The following CUX2 variants were observed in gnomAD, a reference collection of about 807,000 sequenced individuals.
The protein encoded by CUX2 is homeobox protein cut-like 2.
Under a neutral mutation model 144.8 loss-of-function variants are expected in CUX2, and 40 were observed. The ratio of observed to expected loss-of-function variants is 0.28; its 90% CI spans 0.21 to 0.36. CUX2 has a LOEUF of 0.36. Among genes scored for constraint, CUX2 ranks in the 10% least tolerant of loss-of-function variants. CUX2 has a pLI of 1.00. For missense variants in CUX2, 1,615 were observed against 1,994.0 expected (o/e 0.81, Z 3.62); for synonymous variants, 827 against 875.6 (o/e 0.94, Z 0.98).
At chr12:111,253,890 G>T (rs1335388828) in intron 3 of CUX2, among the ~76,000 whole-genome samples, 11 of 144,296 alleles carry the variant, frequency 7.6e-5, no homozygotes, top group African/African-American at 2.6e-4. Flanking sequence ...TGCCATTTTT[G>T]TTTTGTTTTG....
chr12:111,295,263 G>A lies in CUX2; in HGVS notation c.561-70G>A. ...GGGCAAGGGGTAGGAAGCAAGATGG[G>A]GCTCGACTCGGGGGCCCCAGGCAAG... On this transcript the variant is annotated intron_variant, in intron 6 of 21. Coordinates refer to ENST00000261726, the MANE Select transcript of CUX2 (RefSeq NM_015267.4). This position sits in a 1 kb window ranked among gnomAD's most constrained non-coding sequence, Gnocchi z 5.0. 6.9e-7 allele frequency: 1 copy of A among 1,441,822 alleles called. No homozygotes were observed. The allele number at this position is 1,441,822 out of a possible 1,614,324, so 89.3% of individuals were successfully genotyped here.
chr12:111,072,242 A>C (rs1296544155), intron 1 of CUX2, among the ~76,000 whole-genome samples: 2 of 152,250 alleles, frequency 1.3e-5, no homozygotes, highest in East Asian at 3.8e-4. Context: ...CTTCCTATCC[A>C]TGAACATGGA....
intron 1 of CUX2, among the ~76,000 whole-genome samples, chr12:111,145,028 C>G (rs1876576556): frequency 1.3e-5 from 2 of 152,204 alleles, no homozygotes; most frequent in Admixed American, 6.5e-5. Flanking sequence ...CATCTTCTTT[C>G]ATCTCACCTC....
chr12:111,134,697 A>G (rs938718992), intron 1 of CUX2, among the ~76,000 whole-genome samples: 1 of 151,182 alleles, frequency 6.6e-6, no homozygotes, highest in African/African-American at 2.4e-5. Context: ...GAGCAATGTA[A>G]GCTGATATAG....
At chr12:111,177,039 A>G (rs964349955) in intron 1 of CUX2, among the ~76,000 whole-genome samples, 2 of 152,176 alleles carry the variant, frequency 1.3e-5, no homozygotes, top group Non-Finnish European at 2.9e-5. Flanking sequence ...AGACATAGCC[A>G]AATGTCCCCC....
At chr12:111,266,473 CAAA>C (rs57419229) in intron 4 of CUX2, among the ~76,000 whole-genome samples, 5 of 93,360 alleles carry the variant, frequency 5.4e-5, no homozygotes, top group Admixed American at 1.2e-4. Context: ...CCTGTCTCAA[CAAA>C]AAAAAAAAAA....
intron 1 of CUX2, among the ~76,000 whole-genome samples, chr12:111,119,845 G>T (rs1048193472): frequency 3.9e-5 from 6 of 152,184 alleles, no homozygotes; most frequent in Non-Finnish European, 7.3e-5. Flanking sequence ...ATCACCTGAG[G>T]TCAGGAGTTC....
intron 4 of CUX2, among the ~76,000 whole-genome samples, chr12:111,275,707 G>A (rs1259291896): frequency 6.6e-6 from 1 of 152,130 alleles, no homozygotes; most frequent in Non-Finnish European, 1.5e-5. Flanking sequence ...AGACAGCCTG[G>A]GTGTACCCGG....
chr12:111,320,099 T>A lies in CUX2; in HGVS notation c.2090T>A (p.Leu697Gln). 1 of 1,558,584 alleles carries A rather than the reference T, an allele frequency of 6.4e-7. No homozygotes were observed. Among genetic ancestry groups the A allele is most frequent in the Non-Finnish European group, 8.7e-7 (1 of 1,155,492 alleles). ...TCGGAGGACGCCATCAAGAGCATCC[T>A]GGAGCAGGCACGCCGTGAGATGCAG... ...STSEDAIKSI[L>Q]EQARREMQAQ... The change falls in exon 17 of 22, where the codon CTG (leucine) becomes CAG (glutamine). Residue 697 changes from leucine (L) to glutamine (Q), a missense_variant. By Grantham distance (113) the Leu-to-Gln change is moderately radical. This residue lies in a region of CUX2 where 390 missense variants were observed against 387.1 expected (regional missense o/e 1.01). Coordinates refer to ENST00000261726, the MANE Select transcript of CUX2 (RefSeq NM_015267.4). This position sits in a 1 kb window ranked among gnomAD's most constrained non-coding sequence, Gnocchi z 8.1.
chr12:111,058,381 C>T (rs1019006422), intron 1 of CUX2, among the ~76,000 whole-genome samples: 4 of 152,174 alleles, frequency 2.6e-5, no homozygotes, highest in South Asian at 2.1e-4. Flanking sequence ...CCTCTCTCTT[C>T]GTTATGTAGA....
chr12:111,140,359 A>G (rs1214111933), intron 1 of CUX2, among the ~76,000 whole-genome samples: 2 of 152,192 alleles, frequency 1.3e-5, no homozygotes, highest in African/African-American at 2.4e-5. Flanking sequence ...CATCAATACC[A>G]TAGATTGAGC....
chr12:111,293,406 C>G lies in CUX2; in HGVS notation c.437-40C>G. Reference sequence around the variant, plus strand: ...AAGCGGCTCTGGCTGCCACGTTGCTCTCTTGGCAATGGGGGTTTTCCCTCT... The same window carrying G: ...AAGCGGCTCTGGCTGCCACGTTGCTGTCTTGGCAATGGGGGTTTTCCCTCT... On this transcript the variant is annotated intron_variant, in intron 5 of 21. Coordinates refer to ENST00000261726, the MANE Select transcript of CUX2 (RefSeq NM_015267.4). This position sits in a 1 kb window ranked among gnomAD's most constrained non-coding sequence, Gnocchi z 4.5. 1.3e-6 allele frequency: 2 copies of G among 1,579,592 alleles called. No homozygotes were observed. The highest frequency in any genetic ancestry group is 1.2e-5 in the South Asian group (1 of 86,004).
chr12:111,178,079 T>A lies in CUX2; in HGVS notation c.64-36121T>A, dbSNP rs962496061. The stretch of plus-strand genomic sequence containing the variant: ...ACTCAGTGGTTCTGTGTAAAAACAC[T>A]GGGTCGAGCATCTTTTTTCCAGAAA... On this transcript the variant is annotated intron_variant, in intron 1 of 21. Transcript: ENST00000261726. The surrounding 1 kb of genome is among the most constrained non-coding windows in gnomAD (Gnocchi z 5.7). 1.3e-5 allele frequency among the ~76,000 whole-genome samples: 2 copies of A among 152,232 alleles called. No individual in the cohort carries two copies. The highest frequency in any genetic ancestry group is 2.9e-5 in the Non-Finnish European group (2 of 68,040).
At chr12:111,212,577 C>T (rs2136222946) in intron 1 of CUX2, among the ~76,000 whole-genome samples, 1 of 152,296 alleles carries the variant, frequency 6.6e-6, no homozygotes, top group Admixed American at 6.5e-5. Context: ...CTATGTTGCC[C>T]AGGCTGGTCT....
At chr12:111,119,078 T>C (rs1276667559) in intron 1 of CUX2, among the ~76,000 whole-genome samples, 4 of 152,198 alleles carry the variant, frequency 2.6e-5, no homozygotes, top group Non-Finnish European at 5.9e-5. Context: ...TTCCCAACAA[T>C]AATCTGGAAG....
At chr12:111,275,867 G>C (rs6490037) in intron 4 of CUX2, among the ~76,000 whole-genome samples, 31,846 of 152,006 alleles carry the variant, frequency 0.21, 3,729 homozygotes, top group East Asian at 0.43. Context: ...AGGCGGCCCA[G>C]GCTCAAGGTC....
intron 1 of CUX2, among the ~76,000 whole-genome samples, chr12:111,113,781 CCGTGACCT>C (rs897804292): frequency 2.0e-5 from 3 of 152,096 alleles, no homozygotes; most frequent in African/African-American, 4.8e-5. Context: ...GGTCTCGAAC[CCGTGACCT>C]CAAGTGATCC....
intron 19 of CUX2, among the ~76,000 whole-genome samples, chr12:111,335,254 G>C (rs1258115691): frequency 6.6e-6 from 1 of 151,956 alleles, no homozygotes; most frequent in Admixed American, 6.6e-5. Context: ...TTAACCAGGC[G>C]TGGTGGCACA....
chr12:111,073,294 A>G (rs747481994), intron 1 of CUX2, among the ~76,000 whole-genome samples: 4 of 152,212 alleles, frequency 2.6e-5, no homozygotes, highest in Non-Finnish European at 5.9e-5. Flanking sequence ...TCTTTTACCA[A>G]CATTATGTTC....
Sources: gnomAD v4.1 joint callset for allele counts (sites outside exome capture counted in the v4.1 genomes callset) on GRCh38, gnomAD v4.1.1 for gene constraint, gnomAD v4.1.1 regional missense constraint, Gnocchi (gnomAD v3.1) non-coding constraint, MANE v1.5 for transcripts, NCBI Gene and HGNC (gene_info 2026-07-23, HGNC 2026-07-21) for gene names.